Variants in ANKFY1 observed in about 807,000 individuals in gnomAD.
ANKFY1 encodes ankyrin repeat and FYVE domain-containing protein 1.
In ANKFY1, 47 loss-of-function variants were observed where a neutral mutation model predicts 128.3. The ratio of observed to expected loss-of-function variants is 0.37; its 90% CI spans 0.29 to 0.47. The LOEUF (loss-of-function observed/expected upper bound fraction) is 0.47, where lower values mean the gene tolerates loss of function less well. ANKFY1 is among the 20% of genes least tolerant of loss of function. The pLI is 1.00. For missense variants in ANKFY1, 1,222 were observed against 1,510.6 expected (o/e 0.81, Z 3.17); for synonymous variants, 553 against 601.6 (o/e 0.92, Z 1.18).
At chr17:4,216,950 C>T (rs1274454848) in intron 4 of ANKFY1, 33 bp downstream of exon 4, 3 of 1,613,438 alleles carry the variant, frequency 1.9e-6, no homozygotes, top group Admixed American at 3.3e-5. Context: ...CCACCACCAT[C>T]TGAGGTGCTT....
rs1411439523 is a variant in ANKFY1 at position 4,169,894 on chromosome 17, G to A, written c.3287-606C>T. Among the ~76,000 whole-genome samples the A allele has an allele frequency of 6.6e-6, 1 of 152,202 alleles. No homozygotes were observed. Among genetic ancestry groups the A allele is most frequent in the Non-Finnish European group, 1.5e-5 (1 of 68,034 alleles). ...TGGCTGAACTCTCACTCTATCCCAG[G>A]CACTGTCTGACTGCTCTACATAGAC... On this transcript the variant is annotated intron_variant, in intron 23 of 24. Transcript: ENST00000341657. The surrounding 1 kb of genome is among the most constrained non-coding windows in gnomAD (Gnocchi z 5.0).
chr17:4,194,099 A>ATC (rs1261498698), intron 10 of ANKFY1, among the ~76,000 whole-genome samples: 1 of 97,014 alleles, frequency 1.0e-5, no homozygotes, highest in African/African-American at 4.9e-5. Context: ...ATATATATAT[A>ATC]TATATTTTTT....
chr17:4,223,421 G>C, intron 3 of ANKFY1: 1 of 1,460,550 alleles, frequency 6.8e-7, no homozygotes, highest in South Asian at 1.1e-5. Context: ...CAAAGACCTG[G>C]CTGCTAGGAA....
chr17:4,235,678 T>C (rs891915789), intron 3 of ANKFY1, 94 bp downstream of exon 3: 15 of 867,798 alleles, frequency 1.7e-5, no homozygotes, highest in African/African-American at 3.4e-5. Context: ...TTTACTTTCA[T>C]TAAATCACAA....
In ANKFY1 at chr17:4,203,533, C is replaced by T. The variant is rs112942659; in HGVS notation, c.898+2788G>A. Among the ~76,000 whole-genome samples the T allele has an allele frequency of 3.7e-3, 561 of 152,072 alleles. 3 individuals are homozygous for T. Among genetic ancestry groups the T allele is most frequent in the African/African-American group, 0.013 (538 of 41,474 alleles). The stretch of plus-strand genomic sequence containing the variant: ...GGAACAATCTACTGAAGAAACTCAT[C>T]GGCCAGGCGCAGTGGCTCACGTCTT... On this transcript the variant is annotated intron_variant, in intron 7 of 24. Transcript: ENST00000341657.
chr17:4,261,494 G>A (rs1457260294), intron 1 of ANKFY1, among the ~76,000 whole-genome samples: 1 of 152,202 alleles, frequency 6.6e-6, no homozygotes, highest in Non-Finnish European at 1.5e-5. Flanking sequence ...AAAGGGGAAG[G>A]GAAGGAAAGA....
At chr17:4,247,487 G>A (rs1967610622) in intron 1 of ANKFY1, among the ~76,000 whole-genome samples, 1 of 152,180 alleles carries the variant, frequency 6.6e-6, no homozygotes, top group East Asian at 1.9e-4. Flanking sequence ...GGCAGCTTTT[G>A]TCGGGGGAAA....
At chr17:4,221,277 T>C (rs1416090649) in intron 3 of ANKFY1, among the ~76,000 whole-genome samples, 1 of 152,116 alleles carries the variant, frequency 6.6e-6, no homozygotes, top group South Asian at 2.1e-4. Context: ...AATGGTGCAA[T>C]CACAGCTTAC....
rs778670003 is a variant in ANKFY1, at chr17:4,170,868, A to G, written c.3140-7T>C. On this transcript the variant is annotated splice_region_variant and splice_polypyrimidine_tract_variant and intron_variant, in intron 22 of 24. Transcript: ENST00000341657. Reference sequence around the variant, plus strand: ...ATGTATGCCAGGAGCAGCACTGGAAAACAAAAGCACGCGCAGGGCTACTTC... The same window carrying G: ...ATGTATGCCAGGAGCAGCACTGGAAGACAAAAGCACGCGCAGGGCTACTTC... 1.2e-6 allele frequency: 2 copies of G among 1,614,186 alleles called. No individual in the cohort carries two copies. The highest frequency in any genetic ancestry group is 1.1e-5 in the South Asian group (1 of 91,088).
At chr17:4,219,628 A>G (rs1282521942) in intron 3 of ANKFY1, among the ~76,000 whole-genome samples, 1 of 152,084 alleles carries the variant, frequency 6.6e-6, no homozygotes, top group East Asian at 1.9e-4. Context: ...GAAGGGGGCA[A>G]TGTCAAGTGA....
intron 1 of ANKFY1, among the ~76,000 whole-genome samples, chr17:4,243,358 G>A (rs897992690): frequency 3.3e-5 from 5 of 150,948 alleles, no homozygotes; most frequent in South Asian, 2.1e-4. Flanking sequence ...GAGCTACCGC[G>A]CCCAGCCTCT....
intron 3 of ANKFY1, among the ~76,000 whole-genome samples, chr17:4,224,314 C>T (rs942205037): frequency 1.2e-4 from 17 of 146,638 alleles, no homozygotes; most frequent in Middle Eastern, 3.8e-3. Context: ...GCTCTGCCCC[C>T]GGGGTTCACG....
chr17:4,189,300 T>G, intron 11 of ANKFY1, 82 bp downstream of exon 11: 2 of 1,200,742 alleles, frequency 1.7e-6, no homozygotes, highest in South Asian at 1.4e-5. Flanking sequence ...AAACCACCTA[T>G]TCCCCTTTTT....
chr17:4,174,810 AC>A (rs1334113350), intron 19 of ANKFY1, among the ~76,000 whole-genome samples: 2 of 151,900 alleles, frequency 1.3e-5, no homozygotes, highest in Non-Finnish European at 2.9e-5. Context: ...GCAGCCTTGA[AC>A]GCCTGGGCTT....
intron 5 of ANKFY1, among the ~76,000 whole-genome samples, 171 bp downstream of exon 5, chr17:4,209,653 T>A (rs897304170): frequency 1.7e-4 from 26 of 152,210 alleles, no homozygotes; most frequent in African/African-American, 6.3e-4. Flanking sequence ...ACTACCAGAA[T>A]TTGAGTTGAA....
At chr17:4,251,007 G>A (rs919410467) in intron 1 of ANKFY1, among the ~76,000 whole-genome samples, 8 of 152,104 alleles carry the variant, frequency 5.3e-5, no homozygotes, top group Non-Finnish European at 1.0e-4. Flanking sequence ...GAAAGAAAAA[G>A]GTTTAGCATT....
rs140932893 is a variant in ANKFY1, at chr17:4,230,478, A to T, written c.322+5294T>A. 2.7e-3 allele frequency among the ~76,000 whole-genome samples: 405 copies of T among 152,326 alleles called. 1 individual carries two copies. The highest frequency in any genetic ancestry group is 9.4e-3 in the African/African-American group (389 of 41,584). On this transcript the variant is annotated intron_variant, in intron 3 of 24. Transcript: ENST00000341657. Reference sequence around the variant, plus strand: ...AAAGTGCTACAGAGAGGCCATAAACAGATCATTTTGCTAGAAGCAAATTGC... The same window carrying T: ...AAAGTGCTACAGAGAGGCCATAAACTGATCATTTTGCTAGAAGCAAATTGC...
intron 3 of ANKFY1, among the ~76,000 whole-genome samples, chr17:4,225,509 T>C (rs2060410473): frequency 6.6e-6 from 1 of 152,304 alleles, no homozygotes; most frequent in Non-Finnish European, 1.5e-5. Flanking sequence ...TATTTCTAAA[T>C]AATCTCTGGG....
intron 2 of ANKFY1, among the ~76,000 whole-genome samples, chr17:4,241,328 G>A (rs2143370344): frequency 6.8e-6 from 1 of 146,788 alleles, no homozygotes; most frequent in South Asian, 2.1e-4. Flanking sequence ...CGCCCAGGCT[G>A]GAGTGTAGTG....
Sources: gnomAD v4.1 joint callset for allele counts (sites outside exome capture counted in the v4.1 genomes callset) on GRCh38, gnomAD v4.1.1 for gene constraint, Gnocchi (gnomAD v3.1) non-coding constraint, MANE v1.5 for transcripts, NCBI Gene and HGNC (gene_info 2026-07-23, HGNC 2026-07-21) for gene names.